The following ZNF267 variants were observed in gnomAD, a reference collection of about 807,000 sequenced individuals.
The protein encoded by ZNF267 is zinc finger protein 267.
Under a neutral mutation model 71.6 loss-of-function variants are expected in ZNF267, and 61 were observed. The observed-to-expected ratio is 0.85, with a 90% CI of 0.69 to 1.05. ZNF267 has a LOEUF of 1.05. ZNF267 is among the 50% of genes least tolerant of loss of function. The probability of loss-of-function intolerance (pLI) is 0.00; values close to 1 mark genes in which losing one functional copy is unlikely to be tolerated. For synonymous variants in ZNF267, 288 were observed against 293.2 expected (o/e 0.98, Z 0.18); for missense variants, 852 against 870.0 (o/e 0.98, Z 0.26).
At chr16:31,914,223 G>T in intron 3 of ZNF267, 2 of 401,568 alleles carry the variant, frequency 5.0e-6, no homozygotes, top group South Asian at 1.0e-4. Flanking sequence ...ATTTCTCCCC[G>T]CCATGCAGAT....
At chr16:31,883,700 C>T (rs994567211) in intron 1 of ZNF267, among the ~76,000 whole-genome samples, 6 of 152,294 alleles carry the variant, frequency 3.9e-5, no homozygotes, top group Middle Eastern at 3.4e-3. Flanking sequence ...AGGATGATAT[C>T]TGATATATTG....
intron 3 of ZNF267, among the ~76,000 whole-genome samples, chr16:31,893,475 T>C (rs1414415205): frequency 6.6e-6 from 1 of 152,258 alleles, no homozygotes; most frequent in African/African-American, 2.4e-5. Flanking sequence ...GAATTTCTTC[T>C]CAGAAAATGG....
intron 3 of ZNF267, among the ~76,000 whole-genome samples, chr16:31,908,052 A>T (rs1048709303): frequency 4.6e-5 from 7 of 152,068 alleles, no homozygotes; most frequent in African/African-American, 1.2e-4. Context: ...CAAAAAAAAA[A>T]AATAATACTA....
At chr16:31,880,940 T>C (rs1302963646) in intron 1 of ZNF267, among the ~76,000 whole-genome samples, 1 of 152,174 alleles carries the variant, frequency 6.6e-6, no homozygotes, top group Non-Finnish European at 1.5e-5. Context: ...TTCAACATCA[T>C]GTGGTCAGGA....
At chr16:31,898,069 T>C (rs564132041) in intron 3 of ZNF267, among the ~76,000 whole-genome samples, 2 of 152,304 alleles carry the variant, frequency 1.3e-5, no homozygotes, top group African/African-American at 4.8e-5. Flanking sequence ...AAGTGGAGTA[T>C]GGAAGTCTTC....
intron 3 of ZNF267, among the ~76,000 whole-genome samples, chr16:31,904,849 G>A (rs1179496324): frequency 6.6e-6 from 1 of 152,256 alleles, no homozygotes; most frequent in South Asian, 2.1e-4. Flanking sequence ...TGGTTATTTT[G>A]CTCATTAGTT....
chr16:31,899,621 A>T (rs2084023851), intron 3 of ZNF267, among the ~76,000 whole-genome samples: 1 of 152,222 alleles, frequency 6.6e-6, no homozygotes, highest in African/African-American at 2.4e-5. Context: ...CGATTAAAAG[A>T]ACTAGAGAAG....
Position 31,904,925 on chromosome 16 carries a change from G to A in ZNF267, c.227-9551G>A, listed in dbSNP as rs183054557. 5.1e-4 allele frequency among the ~76,000 whole-genome samples: 77 copies of A among 152,174 alleles called. No individual in the cohort carries two copies. In the East Asian group the frequency reaches 0.012, roughly 24 times the overall value. The stretch of plus-strand genomic sequence containing the variant: ...GCATGTTTTTGCAGTGGCTGGTACC[G>A]GTTGTTCCTTTCCATGTTTAGTGCT... On this transcript the variant is annotated intron_variant, in intron 3 of 3. Coordinates refer to ENST00000300870, the MANE Select transcript of ZNF267 (RefSeq NM_003414.6).
intron 1 of ZNF267, among the ~76,000 whole-genome samples, chr16:31,881,231 GTT>G (rs2083887872): frequency 6.6e-6 from 1 of 152,166 alleles, no homozygotes; most frequent in East Asian, 1.9e-4. Context: ...TGGGAGTCAA[GTT>G]CTTGTTGGTC....
At chr16:31,879,137 C>T (rs2083873021) in intron 1 of ZNF267, among the ~76,000 whole-genome samples, 1 of 152,180 alleles carries the variant, frequency 6.6e-6, no homozygotes, top group Admixed American at 6.5e-5. Context: ...AGATCCATAT[C>T]CTACAGTTTC....
chr16:31,894,277 G>A (rs1291313492), intron 3 of ZNF267, among the ~76,000 whole-genome samples: 1 of 152,180 alleles, frequency 6.6e-6, no homozygotes, highest in Non-Finnish European at 1.5e-5. Flanking sequence ...GACTGGAGAG[G>A]GCAGCCAGGT....
chr16:31,896,503 A>G (rs1378652843), intron 3 of ZNF267, among the ~76,000 whole-genome samples: 1 of 152,020 alleles, frequency 6.6e-6, no homozygotes, highest in Admixed American at 6.6e-5. Context: ...CTGCATATGG[A>G]TATTCAATTT....
chr16:31,873,814 GCT>G lies in ZNF267; in HGVS notation c.-151_-150del. ...GGGGCCTTCGTCGGCTCCAGTTAGA[GCT>G]CGGGTCTCCTCGCCACAGCTCCGAG... On this transcript the variant is annotated 5_prime_UTR_variant, in exon 1 of 4. Coordinates refer to ENST00000300870, the MANE Select transcript of ZNF267 (RefSeq NM_003414.6). 3.8e-6 allele frequency: 4 copies of G among 1,050,970 alleles called. No homozygotes were observed. Among genetic ancestry groups the G allele is most frequent in the Non-Finnish European group, 5.8e-6 (4 of 689,850 alleles). The allele number at this position is 1,050,970 out of a possible 1,614,324, so 65.1% of individuals were successfully genotyped here.
rs1343469101 is a variant in ZNF267 at position 31,915,183 on chromosome 16, A to G, written c.934A>G (p.Lys312Glu). 1 of 1,613,048 alleles carries G rather than the reference A, an allele frequency of 6.2e-7. No homozygotes were observed. Among genetic ancestry groups the G allele is most frequent in the Non-Finnish European group, 8.5e-7 (1 of 1,179,688 alleles). ...TCTTAGTCAGTCATCAAATCTTAGA[A>G]AGCAGATAATCCATAATGAAGAGAA... ...KDLSQSSNLR[K>E]QIIHNEEKPY... Residue 312 changes from lysine (K) to glutamate (E), a missense_variant, in exon 4 of 4, where the codon AAG (lysine) becomes GAG (glutamate). By Grantham distance (56) the Lys-to-Glu change is moderately conservative. Transcript: ENST00000300870.
Position 31,907,030 on chromosome 16 carries a change from C to T in ZNF267, c.227-7446C>T, listed in dbSNP as rs181150198. ...TCATCACTTTCAATATATCATCCTGCCATCTTCTGGCTTGTGAGATTTTTT... is the reference window on the plus strand; with the variant it reads ...TCATCACTTTCAATATATCATCCTGTCATCTTCTGGCTTGTGAGATTTTTT... On this transcript the variant is annotated intron_variant, in intron 3 of 3. Coordinates refer to ENST00000300870, the MANE Select transcript of ZNF267 (RefSeq NM_003414.6). Among the ~76,000 whole-genome samples the T allele has an allele frequency of 4.8e-3, 737 of 152,164 alleles. 3 individuals are homozygous for T. Among genetic ancestry groups the T allele is most frequent in the Non-Finnish European group, 8.3e-3 (564 of 67,994 alleles).
At chr16:31,906,095 A>C (rs1253365217) in intron 3 of ZNF267, among the ~76,000 whole-genome samples, 1 of 152,190 alleles carries the variant, frequency 6.6e-6, no homozygotes, top group Non-Finnish European at 1.5e-5. Flanking sequence ...GCTGCTGAAC[A>C]GCGGATATTG....
At position 31,885,334 on chromosome 16, in the gene ZNF267, A is replaced by C. The variant is rs1263041019; in HGVS notation, c.226+78A>C. The C allele has an allele frequency of 4.7e-6, 6 of 1,279,666 alleles. No homozygotes were observed. In the African/African-American group the frequency reaches 6.1e-5, roughly 13 times the overall value. The allele number at this position is 1,279,666 out of a possible 1,614,324, so 79.3% of individuals were successfully genotyped here. ...GAAAGAACCAGACCTTGAAGTGTGG[A>C]TTGGGAAGTTCTCCAGTGGAAATGA... On this transcript the variant is annotated intron_variant, in intron 3 of 3. Transcript: ENST00000300870.
At chr16:31,909,268 A>G (rs2084117763) in intron 3 of ZNF267, among the ~76,000 whole-genome samples, 1 of 149,298 alleles carries the variant, frequency 6.7e-6, no homozygotes, top group African/African-American at 2.5e-5. Flanking sequence ...AGTAGCTGGG[A>G]CTCCAGGCAT....
At chr16:31,902,746 A>G (rs1446840926) in intron 3 of ZNF267, among the ~76,000 whole-genome samples, 2 of 152,200 alleles carry the variant, frequency 1.3e-5, no homozygotes, top group African/African-American at 2.4e-5. Flanking sequence ...AAACAGGGAT[A>G]ACTTGACTTC....
Sources: gnomAD v4.1 joint callset for allele counts (sites outside exome capture counted in the v4.1 genomes callset) on GRCh38, gnomAD v4.1.1 for gene constraint, MANE v1.5 for transcripts, NCBI Gene and HGNC (gene_info 2026-07-23, HGNC 2026-07-21) for gene names.